RXRA: variants seen among roughly 807,000 people sequenced by gnomAD.
RXRA encodes the protein retinoid X receptor alpha.
In RXRA, 5 loss-of-function variants were observed where a neutral mutation model predicts 44.5. That is an observed-to-expected ratio of 0.11 (90% confidence interval 0.06 to 0.24). RXRA has a LOEUF of 0.24. Ranked by LOEUF, RXRA falls within the 10% of genes least tolerant of loss-of-function variation. The pLI is 1.00. For missense variants in RXRA, 412 were observed against 646.5 expected, an observed-to-expected ratio of 0.64 and a Z score of 3.93; for synonymous variants, 291 against 271.4, an observed-to-expected ratio of 1.07 and a Z score of -0.71.
At chr9:134,375,493 C>T (rs1830544696) in intron 1 of RXRA, among the ~76,000 whole-genome samples, 1 of 152,192 alleles carries the variant, frequency 6.6e-6, no homozygotes, top group Non-Finnish European at 1.5e-5. Context: ...GGATTCCAGG[C>T]AGGTCCTGGC....
intron 1 of RXRA, among the ~76,000 whole-genome samples, chr9:134,344,908 C>G (rs1830132145): frequency 6.6e-6 from 1 of 152,186 alleles, no homozygotes; most frequent in Admixed American, 6.5e-5. Context: ...GGGCCCTGTG[C>G]CTGGTGTGGA....
At position 134,342,857 on chromosome 9, in the gene RXRA, C is replaced by T. The variant is rs1026048403; in HGVS notation, c.28+16198C>T. Among the ~76,000 whole-genome samples the T allele has an allele frequency of 6.6e-5, 10 of 152,198 alleles. No individual in the cohort carries two copies. Among genetic ancestry groups the T allele is most frequent in the Non-Finnish European group, 1.2e-4 (8 of 68,024 alleles). On this transcript the variant is annotated intron_variant, in intron 1 of 9. Transcript: ENST00000481739. The surrounding 1 kb of genome is among the most constrained non-coding windows in gnomAD (Gnocchi z 4.4). ...GCGCAGGTGGTGGCTGTGGCCCTGC[C>T]ACCACCACAGTGACCTTCCCTTTGT...
chr9:134,403,966 C>A (rs1588290450), intron 2 of RXRA: 1 of 152,246 alleles, frequency 6.6e-6, no homozygotes, highest in African/African-American at 2.4e-5. Context: ...GTCTGAGGCC[C>A]ATGCTTGACT....
chr9:134,347,369 G>A (rs1295352883), intron 1 of RXRA, among the ~76,000 whole-genome samples: 1 of 152,242 alleles, frequency 6.6e-6, no homozygotes, highest in Non-Finnish European at 1.5e-5. Context: ...GGTGCTCGTG[G>A]TCAGCCTGCC....
intron 9 of RXRA, 99 bp from the exon 10 acceptor site, chr9:134,436,368 G>A: frequency 2.5e-6 from 3 of 1,196,612 alleles, no homozygotes; most frequent in Non-Finnish European, 3.6e-6. Context: ...CAGAGGGGTT[G>A]GGGTATCAGA....
At position 134,407,782 on chromosome 9, in the gene RXRA, G is replaced by A. The variant is rs1831078501; in HGVS notation, c.280-367G>A. 6.6e-6 allele frequency among the ~76,000 whole-genome samples: 1 copy of A among 152,134 alleles called. No homozygotes were observed. The highest frequency in any genetic ancestry group is 2.4e-5 in the African/African-American group (1 of 41,432). ...ATGGAGTGTCCGGGGGCACCCAGCG[G>A]GGCTGGGCACTGCCAGGGGCTCAGT... On this transcript the variant is annotated intron_variant, in intron 2 of 9. Coordinates refer to ENST00000481739, the MANE Select transcript of RXRA (RefSeq NM_002957.6). The surrounding 1 kb of genome is among the most constrained non-coding windows in gnomAD (Gnocchi z 4.8).
At chr9:134,392,025 C>T (rs1180341197) in intron 1 of RXRA, among the ~76,000 whole-genome samples, 1 of 152,238 alleles carries the variant, frequency 6.6e-6, no homozygotes, top group African/African-American at 2.4e-5. Flanking sequence ...GCTCTTCTAC[C>T]ACATGATGGA....
intron 3 of RXRA, among the ~76,000 whole-genome samples, chr9:134,408,503 T>C (rs758295883): frequency 1.1e-4 from 16 of 152,100 alleles, no homozygotes; most frequent in Non-Finnish European, 1.9e-4. Flanking sequence ...CAGTGAGTGT[T>C]GGGTGGGGTG....
intron 7 of RXRA, among the ~76,000 whole-genome samples, chr9:134,430,419 C>T (rs530111646): frequency 6.1e-4 from 93 of 152,324 alleles, no homozygotes; most frequent in African/African-American, 2.1e-3. Flanking sequence ...GGCCATGCAC[C>T]GGCACTTACA....
At chr9:134,386,114 G>A (rs1016682205) in intron 1 of RXRA, among the ~76,000 whole-genome samples, 5 of 152,218 alleles carry the variant, frequency 3.3e-5, no homozygotes, top group South Asian at 4.1e-4. Context: ...CTGGGCCGCC[G>A]GGCCAGCATG....
intron 1 of RXRA, among the ~76,000 whole-genome samples, chr9:134,400,557 G>A (rs1325166552): frequency 6.6e-6 from 1 of 152,208 alleles, no homozygotes; most frequent in African/African-American, 2.4e-5. Context: ...TCCAGCTCCC[G>A]GCACTTGCTG....
chr9:134,424,686 A>G (rs549560836), intron 6 of RXRA: 33 of 985,450 alleles, frequency 3.3e-5, no homozygotes, highest in Middle Eastern at 5.2e-4. Flanking sequence ...GATGTGGAAC[A>G]CTGGAGTTTG....
At chr9:134,432,063 T>C in intron 8 of RXRA, 67 bp downstream of exon 8, 1 of 1,268,074 alleles carries the variant, frequency 7.9e-7, no homozygotes, top group Non-Finnish European at 1.1e-6. Flanking sequence ...CTGGGCCTCC[T>C]CCTGGCTGTA....
chr9:134,410,987 A>G (rs767166437), intron 4 of RXRA, among the ~76,000 whole-genome samples: 2 of 152,204 alleles, frequency 1.3e-5, no homozygotes, highest in Non-Finnish European at 2.9e-5. Flanking sequence ...GTGGGAGCCC[A>G]GAGGAGGCAC....
At chr9:134,403,981 C>T (rs1413768155) in intron 2 of RXRA, 1 of 152,222 alleles carries the variant, frequency 6.6e-6, no homozygotes, top group Non-Finnish European at 1.5e-5. Context: ...TTGACTTGGC[C>T]CTGGTTCCCC....
At chr9:134,367,469 G>C (rs1830428980) in intron 1 of RXRA, among the ~76,000 whole-genome samples, 3 of 152,218 alleles carry the variant, frequency 2.0e-5, no homozygotes, top group Non-Finnish European at 4.4e-5. Flanking sequence ...GACGTGCCAG[G>C]GCCCGCTGTG....
At chr9:134,432,059 C>G (rs933045950) in intron 8 of RXRA, 63 bp downstream of exon 8, 4 of 1,290,536 alleles carry the variant, frequency 3.1e-6, no homozygotes, top group African/African-American at 1.5e-5. Flanking sequence ...GTGCCTGGGC[C>G]TCCTCCTGGC....
At chr9:134,423,544 T>C (rs1003466251) in intron 6 of RXRA, 3 of 985,264 alleles carry the variant, frequency 3.0e-6, no homozygotes, top group Admixed American at 6.1e-5. Context: ...GCCACCCTCC[T>C]GGAAGGACTC....
intron 1 of RXRA, among the ~76,000 whole-genome samples, chr9:134,336,007 C>T (rs904348740): frequency 2.0e-5 from 3 of 152,192 alleles, no homozygotes; most frequent in Admixed American, 1.3e-4. Flanking sequence ...CAGCTCTGAC[C>T]GTGAGCAGAG....
Sources: gnomAD v4.1 joint callset for allele counts (sites outside exome capture counted in the v4.1 genomes callset) on GRCh38, gnomAD v4.1.1 for gene constraint, Gnocchi (gnomAD v3.1) non-coding constraint, MANE v1.5 for transcripts, NCBI Gene and HGNC (gene_info 2026-07-23, HGNC 2026-07-21) for gene names.